ARB2A: variants seen among roughly 807,000 people sequenced by gnomAD.
ARB2A encodes the protein ARB2 cotranscriptional regulator A.
the ARB2A span, among the ~76,000 whole-genome samples, chr5:93,866,962 T>G: frequency 7.9e-5 from 12 of 152,216 alleles, no homozygotes; most frequent in South Asian, 2.5e-3. Context: ...ATGGCCTGAA[T>G]GAATTGTACA....
chr5:93,757,671 C>T, the ARB2A span, among the ~76,000 whole-genome samples: 4 of 152,196 alleles, frequency 2.6e-5, no homozygotes, highest in South Asian at 2.1e-4. Flanking sequence ...CAGACAAATG[C>T]TGACAGAATT....
chr5:93,789,699 T>C, the ARB2A span, among the ~76,000 whole-genome samples: 1 of 152,222 alleles, frequency 6.6e-6, no homozygotes, highest in Non-Finnish European at 1.5e-5. Flanking sequence ...AGATGACTTA[T>C]CAGTCAACTC....
chr5:94,101,992 C>A, the ARB2A span, among the ~76,000 whole-genome samples: 1 of 151,230 alleles, frequency 6.6e-6, no homozygotes. Flanking sequence ...AATACTAAAG[C>A]CCTCCCCGTC....
chr5:94,018,190 C>T, the ARB2A span, among the ~76,000 whole-genome samples: 1 of 152,096 alleles, frequency 6.6e-6, no homozygotes, highest in African/African-American at 2.4e-5. Flanking sequence ...TGACTGAAGT[C>T]TCAATAAAGT....
the ARB2A span, among the ~76,000 whole-genome samples, chr5:93,837,601 G>A: frequency 9.5e-3 from 1,446 of 152,126 alleles, 13 homozygotes; most frequent in Non-Finnish European, 0.014. Context: ...TTTCCAGAAA[G>A]GCTGAACTAA....
chr5:93,681,569 T>C, the ARB2A span, among the ~76,000 whole-genome samples: 3 of 152,162 alleles, frequency 2.0e-5, no homozygotes, highest in Non-Finnish European at 4.4e-5. Flanking sequence ...GTTTGGGCTC[T>C]ATCTTCTCAA....
the ARB2A span, among the ~76,000 whole-genome samples, chr5:94,076,384 A>G: frequency 5.9e-5 from 9 of 152,156 alleles, no homozygotes; most frequent in African/African-American, 2.2e-4. Context: ...TAATTTCTAC[A>G]TGAATAAAAT....
chr5:94,023,064 T>A, the ARB2A span, among the ~76,000 whole-genome samples: 1 of 152,186 alleles, frequency 6.6e-6, no homozygotes, highest in Admixed American at 6.5e-5. Context: ...GCAGAGATAA[T>A]CCTTAACCAA....
chr5:93,911,514 G>C, the ARB2A span, among the ~76,000 whole-genome samples: 1 of 151,520 alleles, frequency 6.6e-6, no homozygotes, highest in African/African-American at 2.4e-5. Context: ...ATTAAAGCAA[G>C]AAGATCATTT....
the ARB2A span, among the ~76,000 whole-genome samples, chr5:93,990,891 G>A: frequency 6.6e-6 from 1 of 152,106 alleles, no homozygotes; most frequent in African/African-American, 2.4e-5. Flanking sequence ...TGTGACACAA[G>A]GAAGAGGAGC....
At chr5:93,676,112 T>C in the ARB2A span, among the ~76,000 whole-genome samples, 1 of 152,106 alleles carries the variant, frequency 6.6e-6, no homozygotes, top group African/African-American at 2.4e-5. Context: ...TTACTGTAAA[T>C]ACAACCAAGA....
the ARB2A span, among the ~76,000 whole-genome samples, chr5:93,976,903 C>A: frequency 6.6e-5 from 10 of 151,826 alleles, no homozygotes; most frequent in Non-Finnish European, 5.9e-5. Flanking sequence ...ATGACTTCAG[C>A]GAACTCTCAG....
At chr5:93,939,498 A>C in the ARB2A span, among the ~76,000 whole-genome samples, 1 of 152,128 alleles carries the variant, frequency 6.6e-6, no homozygotes, top group Non-Finnish European at 1.5e-5. Flanking sequence ...GCTAAGCCTG[A>C]GTACCACTAT....
At chr5:94,040,547 C>T in the ARB2A span, among the ~76,000 whole-genome samples, 4 of 143,222 alleles carry the variant, frequency 2.8e-5, no homozygotes, top group African/African-American at 1.0e-4. Flanking sequence ...TATTCCCCTT[C>T]CTGTGTCCAC....
the ARB2A span, among the ~76,000 whole-genome samples, chr5:93,810,509 C>A: frequency 6.6e-6 from 1 of 151,984 alleles, no homozygotes; most frequent in Admixed American, 6.6e-5. Flanking sequence ...CTCAAGCAAT[C>A]CTCCCACCTC....
At chr5:94,087,043 G>A in the ARB2A span, among the ~76,000 whole-genome samples, 1 of 152,170 alleles carries the variant, frequency 6.6e-6, no homozygotes. Flanking sequence ...GGGACAAGAT[G>A]TAGAAGTAGA....
chr5:93,927,978 A>G, the ARB2A span, among the ~76,000 whole-genome samples: 1 of 151,940 alleles, frequency 6.6e-6, no homozygotes, highest in Non-Finnish European at 1.5e-5. Flanking sequence ...TTTCAATTCT[A>G]AAATCAACAT....
the ARB2A span, among the ~76,000 whole-genome samples, chr5:93,966,431 C>A: frequency 1.3e-5 from 2 of 152,002 alleles, no homozygotes; most frequent in African/African-American, 4.8e-5. Flanking sequence ...AAGGTTTATA[C>A]TACAGGATAA....
At chr5:94,066,255 A>G in the ARB2A span, among the ~76,000 whole-genome samples, 1 of 152,142 alleles carries the variant, frequency 6.6e-6, no homozygotes, top group Non-Finnish European at 1.5e-5. Context: ...AAAGATTTCA[A>G]ATAATCTAAG....
Sources: allele counts gnomAD v4.1 joint callset (sites outside exome capture counted in the v4.1 genomes callset), GRCh38; gene constraint gnomAD v4.1.1; transcripts MANE v1.5; gene names NCBI Gene and HGNC (gene_info 2026-07-23, HGNC 2026-07-21).